Variants in ENOX1 observed in about 807,000 individuals in gnomAD.
The protein encoded by ENOX1 is candidate growth-related and time keeping constitutive hydroquinone (NADH) oxidase.
A neutral mutation model predicts 82.5 loss-of-function variants in ENOX1; 42 were observed. The ratio of observed to expected loss-of-function variants is 0.51; its 90% confidence interval spans 0.40 to 0.66. The LOEUF is 0.66. Among genes scored for constraint, ENOX1 ranks in the 30% least tolerant of loss-of-function variants. ENOX1 has a pLI of 0.00. For missense variants in ENOX1, 608 were observed against 811.6 expected (o/e 0.75, Z 3.05); for synonymous variants, 271 against 282.2 (o/e 0.96, Z 0.40).
chr13:43,746,617 C>A (rs1350502779), intron 1 of ENOX1, among the ~76,000 whole-genome samples: 1 of 151,714 alleles, frequency 6.6e-6, no homozygotes, highest in Non-Finnish European at 1.5e-5. Flanking sequence ...TAGAGTACAA[C>A]AGATCACTGT....
chr13:43,712,592 T>C (rs1219080452), intron 1 of ENOX1, among the ~76,000 whole-genome samples: 4 of 148,280 alleles, frequency 2.7e-5, no homozygotes, highest in East Asian at 2.0e-4. Context: ...TTTTATTTCA[T>C]TGAGCGGTGG....
At chr13:43,413,037 G>C in intron 3 of ENOX1, 49 bp from the exon 4 acceptor site, 1 of 1,422,322 alleles carries the variant, frequency 7.0e-7, no homozygotes, top group Non-Finnish European at 9.2e-7. Context: ...AGTTAACTGA[G>C]ATAAAACGTC....
chr13:43,522,819 C>A (rs976437937), intron 2 of ENOX1, among the ~76,000 whole-genome samples: 1 of 152,114 alleles, frequency 6.6e-6, no homozygotes, highest in Non-Finnish European at 1.5e-5. Flanking sequence ...AAACTCAAAA[C>A]ATTTGGAGGA....
At chr13:43,684,381 C>A (rs1360977400) in intron 1 of ENOX1, among the ~76,000 whole-genome samples, 3 of 152,076 alleles carry the variant, frequency 2.0e-5, no homozygotes, top group African/African-American at 7.2e-5. Flanking sequence ...TGATGGGACA[C>A]TAAAATTGAA....
intron 16 of ENOX1, among the ~76,000 whole-genome samples, chr13:43,217,878 A>C (rs1040031649): frequency 6.6e-6 from 1 of 152,202 alleles, no homozygotes; most frequent in African/African-American, 2.4e-5. Flanking sequence ...AAGATCTTAA[A>C]ATGAGAGGAT....
At chr13:43,250,427 G>A (rs1284320315) in intron 14 of ENOX1, among the ~76,000 whole-genome samples, 2 of 152,198 alleles carry the variant, frequency 1.3e-5, no homozygotes, top group Non-Finnish European at 2.9e-5. Context: ...CTCCCAACAG[G>A]CGGCATTGTG....
chr13:43,546,998 G>A (rs2079000788), intron 2 of ENOX1: 2 of 152,286 alleles, frequency 1.3e-5, no homozygotes, highest in Non-Finnish European at 2.9e-5. Context: ...CTTCCCATTT[G>A]AGTTGCCAAT....
At chr13:43,729,940 G>A (rs1468691908) in intron 1 of ENOX1, among the ~76,000 whole-genome samples, 1 of 152,162 alleles carries the variant, frequency 6.6e-6, no homozygotes, top group East Asian at 1.9e-4. Context: ...CACTCTGTGG[G>A]GGACATCTCC....
intron 11 of ENOX1, among the ~76,000 whole-genome samples, chr13:43,304,398 G>A (rs887185953): frequency 6.6e-6 from 1 of 152,170 alleles, no homozygotes; most frequent in Non-Finnish European, 1.5e-5. Context: ...GAGGTAAAAG[G>A]TGTGGCTCTA....
chr13:43,712,341 G>C (rs2087784464), intron 1 of ENOX1, among the ~76,000 whole-genome samples: 1 of 151,612 alleles, frequency 6.6e-6, no homozygotes, highest in Non-Finnish European at 1.5e-5. Context: ...AGTATAGTTT[G>C]AAGTCAGGTA....
chr13:43,774,824 C>A (rs1200001740), intron 1 of ENOX1, among the ~76,000 whole-genome samples: 1 of 152,128 alleles, frequency 6.6e-6, no homozygotes, highest in African/African-American at 2.4e-5. Flanking sequence ...CCATCCATGC[C>A]ACAAGCCACA....
chr13:43,371,695 GA>G lies in ENOX1; in HGVS notation c.209-10244del, dbSNP rs554496941. On this transcript the variant is annotated intron_variant, in intron 5 of 16. Coordinates refer to ENST00000690772, the MANE Select transcript of ENOX1 (RefSeq NM_001347969.2). ...AAAACATTCAATATTTAGTTTCAAAGAAAACATTCACATCATATTAAACAAT... is the reference window on the plus strand; with the variant it reads ...AAAACATTCAATATTTAGTTTCAAAGAAACATTCACATCATATTAAACAAT... 4.5e-4 allele frequency among the ~76,000 whole-genome samples: 69 copies of G among 152,278 alleles called. 1 individual carries two copies. The highest frequency in any genetic ancestry group is 8.5e-4 in the Non-Finnish European group (58 of 68,000).
chr13:43,388,553 A>C (rs974213989), intron 5 of ENOX1, among the ~76,000 whole-genome samples: 8 of 152,210 alleles, frequency 5.3e-5, no homozygotes, highest in African/African-American at 1.9e-4. Context: ...ACTAAAGAGA[A>C]AAGGCATGAT....
At chr13:43,562,216 A>C (rs2079710518) in intron 2 of ENOX1, among the ~76,000 whole-genome samples, 1 of 152,158 alleles carries the variant, frequency 6.6e-6, no homozygotes, top group Non-Finnish European at 1.5e-5. Flanking sequence ...GAAACAATAA[A>C]AAGTTAAAAA....
At chr13:43,765,075 A>G (rs1328291913) in intron 1 of ENOX1, among the ~76,000 whole-genome samples, 1 of 152,240 alleles carries the variant, frequency 6.6e-6, no homozygotes, top group Non-Finnish European at 1.5e-5. Flanking sequence ...CCTGACCTGT[A>G]CATGGACCAA....
chr13:43,362,159 A>ACG (rs1183251064), intron 5 of ENOX1, among the ~76,000 whole-genome samples: 1 of 40,166 alleles, frequency 2.5e-5, no homozygotes, highest in Non-Finnish European at 9.1e-5. Flanking sequence ...CCTGTATTAC[A>ACG]CACACACACA....
chr13:43,492,601 T>C (rs1472147117), intron 2 of ENOX1, among the ~76,000 whole-genome samples: 1 of 152,130 alleles, frequency 6.6e-6, no homozygotes, highest in Non-Finnish European at 1.5e-5. Context: ...TCCAAGAAAG[T>C]ACCAAAGAAA....
At chr13:43,372,559 C>T (rs2051313167) in intron 5 of ENOX1, among the ~76,000 whole-genome samples, 1 of 152,074 alleles carries the variant, frequency 6.6e-6, no homozygotes. Flanking sequence ...CAGGAGAGGA[C>T]ATCATAATCC....
chr13:43,691,581 T>A (rs2086366253), intron 1 of ENOX1, among the ~76,000 whole-genome samples: 1 of 152,100 alleles, frequency 6.6e-6, no homozygotes, highest in African/African-American at 2.4e-5. Context: ...TAAGAGACTT[T>A]CACACTCAAG....
Sources: gnomAD v4.1 joint callset for allele counts (sites outside exome capture counted in the v4.1 genomes callset) on GRCh38, gnomAD v4.1.1 for gene constraint, MANE v1.5 for transcripts, NCBI Gene and HGNC (gene_info 2026-07-23, HGNC 2026-07-21) for gene names.